KCNMB2: variants seen among roughly 807,000 people sequenced by gnomAD.
KCNMB2 encodes the protein potassium calcium-activated channel subfamily M regulatory beta subunit 2.
In KCNMB2, 9 loss-of-function variants were observed where a neutral mutation model predicts 24.5. The observed-to-expected ratio is 0.37, with a 90% CI of 0.22 to 0.64. The LOEUF (loss-of-function observed/expected upper bound fraction) is 0.64, where lower values mean the gene tolerates loss of function less well. KCNMB2 is among the 30% of genes least tolerant of loss of function. The probability of loss-of-function intolerance (pLI) is 0.63; values close to 1 mark genes in which losing one functional copy is unlikely to be tolerated. For synonymous variants in KCNMB2, 109 were observed against 104.4 expected, an observed-to-expected ratio of 1.04 and a Z score of -0.27; for missense variants, 226 against 284.3, an observed-to-expected ratio of 0.79 and a Z score of 1.47.
At chr3:178,683,216 C>G (rs1260257926) in intron 1 of KCNMB2, among the ~76,000 whole-genome samples, 1 of 151,974 alleles carries the variant, frequency 6.6e-6, no homozygotes, top group Non-Finnish European at 1.5e-5. Flanking sequence ...AAAATTAATG[C>G]AGAAACAGAA....
chr3:178,791,048 C>A (rs1387255321), intron 1 of KCNMB2, among the ~76,000 whole-genome samples: 3 of 152,234 alleles, frequency 2.0e-5, no homozygotes, highest in African/African-American at 7.2e-5. Flanking sequence ...AAATACCTAA[C>A]TGTTCAATGC....
chr3:178,664,784 T>C (rs1439553815), intron 1 of KCNMB2, among the ~76,000 whole-genome samples: 3 of 152,074 alleles, frequency 2.0e-5, no homozygotes, highest in African/African-American at 7.2e-5. Context: ...GGCATCCTTC[T>C]TAAAGAAAAT....
At chr3:178,646,454 G>A (rs994645119) in intron 1 of KCNMB2, among the ~76,000 whole-genome samples, 84 of 152,212 alleles carry the variant, frequency 5.5e-4, no homozygotes, top group African/African-American at 2.0e-3. Flanking sequence ...GAAAAGAACA[G>A]ACTGAACCTC....
At chr3:178,612,939 C>T (rs1170556535) in intron 1 of KCNMB2, among the ~76,000 whole-genome samples, 1 of 152,008 alleles carries the variant, frequency 6.6e-6, no homozygotes, top group Non-Finnish European at 1.5e-5. Context: ...TACCATGAGG[C>T]TTGCAAATAT....
intron 1 of KCNMB2, among the ~76,000 whole-genome samples, chr3:178,686,469 T>C (rs1577097159): frequency 6.6e-6 from 1 of 151,794 alleles, no homozygotes; most frequent in East Asian, 1.9e-4. Flanking sequence ...AAAGACGTTC[T>C]TTTCTTCTGA....
At chr3:178,583,753 A>G (rs1717303968) in intron 1 of KCNMB2, among the ~76,000 whole-genome samples, 1 of 152,212 alleles carries the variant, frequency 6.6e-6, no homozygotes, top group Non-Finnish European at 1.5e-5. Context: ...TTGAAGAAGA[A>G]AGGAGATAAT....
At chr3:178,606,917 A>G (rs894439883) in intron 1 of KCNMB2, among the ~76,000 whole-genome samples, 15 of 152,236 alleles carry the variant, frequency 9.9e-5, no homozygotes, top group Admixed American at 9.2e-4. Context: ...GTGAAGACAC[A>G]GCAAAAAGAC....
At chr3:178,642,015 C>T (rs984970933) in intron 1 of KCNMB2, among the ~76,000 whole-genome samples, 9 of 151,982 alleles carry the variant, frequency 5.9e-5, no homozygotes, top group Non-Finnish European at 1.5e-5. Flanking sequence ...ATAAGACTTA[C>T]TAAATAGCTA....
intron 1 of KCNMB2, among the ~76,000 whole-genome samples, chr3:178,591,264 T>A (rs1297911713): frequency 6.6e-6 from 1 of 152,228 alleles, no homozygotes; most frequent in Non-Finnish European, 1.5e-5. Flanking sequence ...ATTAGAGGAA[T>A]CAGCATATAC....
chr3:178,735,200 G>A (rs1349245546), intron 1 of KCNMB2, among the ~76,000 whole-genome samples: 2 of 152,230 alleles, frequency 1.3e-5, no homozygotes, highest in Admixed American at 6.5e-5. Context: ...CCACACCAGA[G>A]AAGCTGAGCA....
In KCNMB2 at chr3:178,783,336, T is replaced by A. The variant is rs1445152368; in HGVS notation, c.-67-24007T>A. Among the ~76,000 whole-genome samples the A allele has an allele frequency of 2.2e-4, 33 of 148,756 alleles. 1 individual carries two copies. The highest frequency in any genetic ancestry group is 6.2e-4 in the African/African-American group (25 of 40,410). On this transcript the variant is annotated intron_variant, in intron 1 of 4. Transcript: ENST00000452583. ...TTTTCCAATTCTGTGAAGAAAGTCA[T>A]TGGTAGCTTGATGGGGATGGCATTG... is the stretch of plus-strand genomic sequence containing the variant.
chr3:178,770,161 G>A (rs1315283303), intron 1 of KCNMB2, among the ~76,000 whole-genome samples: 21 of 152,152 alleles, frequency 1.4e-4, no homozygotes. Flanking sequence ...GCCAGTTCGG[G>A]TACTAAATTC....
intron 1 of KCNMB2, among the ~76,000 whole-genome samples, chr3:178,781,496 G>A (rs1712837714): frequency 6.6e-6 from 1 of 152,230 alleles, no homozygotes; most frequent in African/African-American, 2.4e-5. Flanking sequence ...GGAGGCTGAG[G>A]CAGGAGAATT....
chr3:178,647,415 T>A (rs900940482), intron 1 of KCNMB2, among the ~76,000 whole-genome samples: 3 of 152,202 alleles, frequency 2.0e-5, no homozygotes, highest in African/African-American at 7.2e-5. Flanking sequence ...TCTACTAGAA[T>A]TTAGCAATGT....
At chr3:178,703,333 C>T (rs946853288) in intron 1 of KCNMB2, among the ~76,000 whole-genome samples, 1 of 152,118 alleles carries the variant, frequency 6.6e-6, no homozygotes, top group Non-Finnish European at 1.5e-5. Context: ...TGCCTACATG[C>T]TTTCCACCAT....
chr3:178,570,483 C>A (rs1000798755), intron 1 of KCNMB2, among the ~76,000 whole-genome samples: 2 of 149,788 alleles, frequency 1.3e-5, no homozygotes, highest in African/African-American at 4.9e-5. Flanking sequence ...TATTTCCAGT[C>A]CCTTCTGAAC....
At chr3:178,613,856 T>C (rs111714367) in intron 1 of KCNMB2, among the ~76,000 whole-genome samples, 2 of 152,286 alleles carry the variant, frequency 1.3e-5, no homozygotes, top group African/African-American at 4.8e-5. Context: ...TGGATACTGA[T>C]ATCTTTCTCT....
At chr3:178,818,198 T>C (rs1360251703) in intron 2 of KCNMB2, among the ~76,000 whole-genome samples, 2 of 152,090 alleles carry the variant, frequency 1.3e-5, no homozygotes, top group Non-Finnish European at 2.9e-5. Context: ...ACTTAAAGAG[T>C]CTCATTAAAA....
chr3:178,778,455 GACACACACACACACAC>G (rs71628070), intron 1 of KCNMB2, among the ~76,000 whole-genome samples: 77 of 127,546 alleles, frequency 6.0e-4, no homozygotes, highest in South Asian at 5.4e-3. Flanking sequence ...TACCCTTTAA[GACACACACACACACAC>G]ACACACACAC....
Sources: gnomAD v4.1 joint callset for allele counts (sites outside exome capture counted in the v4.1 genomes callset) on GRCh38, gnomAD v4.1.1 for gene constraint, MANE v1.5 for transcripts, NCBI Gene and HGNC (gene_info 2026-07-23, HGNC 2026-07-21) for gene names.